Variants in MEF2A observed in about 807,000 individuals in gnomAD.
MEF2A encodes myocyte enhancer factor 2A, also known as myocyte-specific enhancer factor 2A.
A neutral mutation model predicts 55.8 loss-of-function variants in MEF2A; 28 were observed. The ratio of observed to expected loss-of-function variants is 0.50; its 90% confidence interval spans 0.37 to 0.69. The LOEUF is 0.69. MEF2A is among the 30% of genes least tolerant of loss of function. The pLI, the probability that MEF2A is intolerant of heterozygous loss-of-function variation, is 0.00. For missense variants in MEF2A, 528 were observed against 626.2 expected (o/e 0.84, Z 1.67); for synonymous variants, 239 against 227.1 (o/e 1.05, Z -0.47).
At chr15:99,581,026 A>G (rs1408827519) in intron 1 of MEF2A, among the ~76,000 whole-genome samples, 1 of 151,796 alleles carries the variant, frequency 6.6e-6, no homozygotes, top group East Asian at 1.9e-4. Context: ...CCTTTTATCT[A>G]TTTTTTTAAC....
At chr15:99,693,496 A>G (rs956830859) in intron 8 of MEF2A, among the ~76,000 whole-genome samples, 3 of 152,208 alleles carry the variant, frequency 2.0e-5, no homozygotes. Context: ...AGATCAAGAG[A>G]AAAATCTTAG....
chr15:99,641,677 C>T (rs563891879), intron 3 of MEF2A, among the ~76,000 whole-genome samples: 24 of 151,784 alleles, frequency 1.6e-4, no homozygotes, highest in Admixed American at 3.3e-4. Flanking sequence ...GAGTCGAGAT[C>T]GTGCCACTTG....
chr15:99,671,472 A>G lies in MEF2A; in HGVS notation c.390+18A>G. 1 of 1,613,832 alleles carries G rather than the reference A, an allele frequency of 6.2e-7. No homozygotes were observed. Among genetic ancestry groups the G allele is most frequent in the Non-Finnish European group, 8.5e-7 (1 of 1,179,768 alleles). On this transcript the variant is annotated intron_variant, in intron 5 of 11. Transcript: ENST00000557942. Reference sequence around the variant, plus strand: ...GAGGCCCTGTAAGTACTTTTACTTTACCTCTACTTTTTATTTGTTGATCCT... The same window carrying G: ...GAGGCCCTGTAAGTACTTTTACTTTGCCTCTACTTTTTATTTGTTGATCCT...
At chr15:99,590,239 C>T (rs1488827861) in intron 1 of MEF2A, among the ~76,000 whole-genome samples, 1 of 151,802 alleles carries the variant, frequency 6.6e-6, no homozygotes, top group African/African-American at 2.4e-5. Flanking sequence ...CATTATGAAA[C>T]GTATTCCTTC....
At chr15:99,683,105 C>T (rs1005626866) in intron 7 of MEF2A, among the ~76,000 whole-genome samples, 17 of 152,176 alleles carry the variant, frequency 1.1e-4, no homozygotes, top group African/African-American at 3.9e-4. Flanking sequence ...GATCTCTACT[C>T]GACAGGATGG....
In MEF2A at chr15:99,713,660, A is replaced by G. The variant is rs886374517; in HGVS notation, c.*889A>G. 6.6e-6 allele frequency: 1 copy of G among 152,202 alleles called. No individual in the cohort carries two copies. The highest frequency in any genetic ancestry group is 1.5e-5 in the Non-Finnish European group (1 of 68,038). The allele number at this position is 152,202 out of a possible 1,614,324, so 9.4% of individuals were successfully genotyped here. A position where few individuals can be genotyped will look rare whatever the true frequency, so the allele number is the denominator to read the frequency against. ...TCACTACTTTTGAACACATTCTGCT[A>G]TGAATTATTTATATAAGCCAAAGCT... On this transcript the variant is annotated 3_prime_UTR_variant, in exon 12 of 12. Transcript: ENST00000557942.
chr15:99,629,018 G>C (rs562911065), intron 2 of MEF2A, among the ~76,000 whole-genome samples: 2 of 145,458 alleles, frequency 1.4e-5, no homozygotes, highest in African/African-American at 5.2e-5. Context: ...TTCCCCACCA[G>C]CATTTTGAAG....
At chr15:99,578,420 A>T (rs1306338670) in intron 1 of MEF2A, among the ~76,000 whole-genome samples, 1 of 152,132 alleles carries the variant, frequency 6.6e-6, no homozygotes, top group African/African-American at 2.4e-5. Context: ...TTCAGCTTGA[A>T]AGCTCTTCTT....
At chr15:99,688,457 A>G (rs1206655673) in intron 7 of MEF2A, among the ~76,000 whole-genome samples, 5 of 152,078 alleles carry the variant, frequency 3.3e-5, no homozygotes, top group Non-Finnish European at 7.4e-5. Context: ...TGAGTCTCAA[A>G]ATGACTTAAT....
intron 4 of MEF2A, among the ~76,000 whole-genome samples, chr15:99,668,849 T>C (rs2050314383): frequency 6.6e-6 from 1 of 152,222 alleles, no homozygotes; most frequent in African/African-American, 2.4e-5. Flanking sequence ...ACAGAAAAAG[T>C]CTTTTTATGG....
At chr15:99,670,006 C>T (rs975293563) in intron 4 of MEF2A, among the ~76,000 whole-genome samples, 5 of 152,128 alleles carry the variant, frequency 3.3e-5, no homozygotes, top group African/African-American at 1.2e-4. Context: ...TCCTTCTCTG[C>T]AGTTGGTCAG....
At chr15:99,654,582 G>T (rs1050928498) in intron 4 of MEF2A, among the ~76,000 whole-genome samples, 3 of 83,026 alleles carry the variant, frequency 3.6e-5, no homozygotes, top group Non-Finnish European at 7.4e-5. Flanking sequence ...TAAAAAAAAA[G>T]GGGGGGGTAT....
intron 1 of MEF2A, among the ~76,000 whole-genome samples, chr15:99,584,523 T>C (rs1966812617): frequency 6.6e-6 from 1 of 152,164 alleles, no homozygotes; most frequent in South Asian, 2.1e-4. Flanking sequence ...AGTGTAGATA[T>C]GTGCTGCAAC....
rs1374471719 is a variant in MEF2A at position 99,714,894 on chromosome 15, A to G, written c.*2123A>G. ...TCATCAGCCAGATTTCCTGACTGAC[A>G]CATAGGTATGATCAGTGCAGGAGAG... is the stretch of plus-strand genomic sequence containing the variant. On this transcript the variant is annotated 3_prime_UTR_variant, in exon 12 of 12. Transcript: ENST00000557942. 7.4e-6 allele frequency: 1 copy of G among 135,682 alleles called. No individual in the cohort carries two copies. 8.4% of individuals were successfully genotyped at this position (135,682 alleles called of 1,614,324 possible).
rs552278017 is a variant in MEF2A at position 99,594,882 on chromosome 15, A to G, written c.-224-3548A>G. ...AATACTTCAAAGCAGGTGTCTGTCT[A>G]CATGTTCATGGTCTCTATCATATAT... On this transcript the variant is annotated intron_variant, in intron 1 of 11. Transcript: ENST00000557942. Among the ~76,000 whole-genome samples, 112 of 152,346 alleles carry G rather than the reference A, an allele frequency of 7.4e-4. 1 individual carries two copies. In the South Asian group the frequency reaches 0.023, roughly 31 times the overall value.
chr15:99,637,417 T>TTC (rs1414457473), intron 3 of MEF2A, among the ~76,000 whole-genome samples: 1 of 152,228 alleles, frequency 6.6e-6, no homozygotes, highest in Non-Finnish European at 1.5e-5. Context: ...ATATTTGATT[T>TTC]TCTAAAGCAT....
At chr15:99,603,053 G>A (rs960548833) in intron 2 of MEF2A, among the ~76,000 whole-genome samples, 1 of 151,794 alleles carries the variant, frequency 6.6e-6, no homozygotes, top group African/African-American at 2.4e-5. Context: ...TCCCTCTTTC[G>A]TTGCTGATAT....
intron 7 of MEF2A, among the ~76,000 whole-genome samples, chr15:99,682,558 A>G (rs1385554705): frequency 6.6e-6 from 1 of 152,224 alleles, no homozygotes; most frequent in Non-Finnish European, 1.5e-5. Flanking sequence ...TAGGGTATAT[A>G]TCACTGCACT....
At chr15:99,703,425 G>A (rs936021350) in intron 9 of MEF2A, 40 bp downstream of exon 9, 3 of 1,580,400 alleles carry the variant, frequency 1.9e-6, no homozygotes, top group African/African-American at 1.4e-5. Flanking sequence ...TGAAAAAGAT[G>A]TAGAAAGTAC....
Sources: allele counts gnomAD v4.1 joint callset (sites outside exome capture counted in the v4.1 genomes callset), GRCh38; gene constraint gnomAD v4.1.1; transcripts MANE v1.5; gene names NCBI Gene and HGNC (gene_info 2026-07-23, HGNC 2026-07-21).